Variants in TOP2B observed in about 807,000 individuals in gnomAD.
The protein encoded by TOP2B is DNA topoisomerase 2-beta.
Under a neutral mutation model 193.5 loss-of-function variants are expected in TOP2B, and 51 were observed. That is an observed-to-expected ratio of 0.26 (90% CI 0.21 to 0.33). The LOEUF (loss-of-function observed/expected upper bound fraction) is 0.33, where lower values mean the gene tolerates loss of function less well. TOP2B is among the 10% of genes least tolerant of loss of function. The probability of loss-of-function intolerance (pLI) is 1.00; values close to 1 mark genes in which losing one functional copy is unlikely to be tolerated. For missense variants in TOP2B, 1,378 were observed against 1,909.3 expected, an observed-to-expected ratio of 0.72 and a Z score of 5.19; for synonymous variants, 634 against 635.7, an observed-to-expected ratio of 1.00 and a Z score of 0.04.
Position 25,618,189 on chromosome 3 carries a change from T to C in TOP2B, c.3351+229A>G, listed in dbSNP as rs138309324. On this transcript the variant is annotated intron_variant, in intron 25 of 35. Transcript: ENST00000264331. Reference sequence around the variant, plus strand: ...AGCTACCTTCTCACACCTGGAGTCATTTCTCCAGGCTCTGGTTGAGTCACA... The same window carrying C: ...AGCTACCTTCTCACACCTGGAGTCACTTCTCCAGGCTCTGGTTGAGTCACA... The C allele has an allele frequency of 7.4e-4, 350 of 471,856 alleles. 6 individuals carry two copies. In the East Asian group the frequency reaches 0.011, roughly 15 times the overall value. 29.2% of individuals were successfully genotyped at this position (471,856 alleles called of 1,614,324 possible).
chr3:25,608,984 A>T (rs1055005922), intron 30 of TOP2B, among the ~76,000 whole-genome samples, 199 bp downstream of exon 30: 1 of 152,188 alleles, frequency 6.6e-6, no homozygotes, highest in Non-Finnish European at 1.5e-5. Context: ...AAAAATCAGG[A>T]AAGAAACATG....
chr3:25,647,237 G>A (rs1425172511), intron 1 of TOP2B, among the ~76,000 whole-genome samples: 4 of 152,066 alleles, frequency 2.6e-5, no homozygotes, highest in East Asian at 3.8e-4. Flanking sequence ...AGGGCCAGGC[G>A]CAGTGACGTT....
chr3:25,664,561 C>T lies in TOP2B; in HGVS notation c.-264G>A, dbSNP rs1704032030. The stretch of plus-strand genomic sequence containing the variant: ...CGGCGGCTGAGGAGAAAGCAGGGAG[C>T]GACCGGCGGCGGCCGAGCGGCGGCG... On this transcript the variant is annotated 5_prime_UTR_variant, in exon 1 of 36. Transcript: ENST00000264331. 1 of 1,079,134 alleles carries T rather than the reference C, an allele frequency of 9.3e-7. No individual in the cohort carries two copies. Among genetic ancestry groups the T allele is most frequent in the Non-Finnish European group, 1.1e-6 (1 of 891,452 alleles). The allele number at this position is 1,079,134 out of a possible 1,614,324, so 66.8% of individuals were successfully genotyped here.
chr3:25,609,636 TCTC>T lies in TOP2B; in HGVS notation c.3860_3862del (p.Gly1287del), dbSNP rs1702320117. 1.3e-6 allele frequency: 2 copies of T among 1,576,296 alleles called. No individual in the cohort carries two copies. The highest frequency in any genetic ancestry group is 1.4e-5 in the African/African-American group (1 of 73,702). On this transcript the variant is annotated inframe_deletion, in exon 29 of 36. Transcript: ENST00000264331. ...AGGAACTGATGGAGTCAATGCCTCT[TCTC>T]CTGCACCTTCTACTGGTGCTCCACT...
At chr3:25,643,857 T>A (rs367856599) in intron 2 of TOP2B, 73 bp from the exon 3 acceptor site, 4 of 1,099,590 alleles carry the variant, frequency 3.6e-6, no homozygotes, top group Middle Eastern at 4.2e-4. Flanking sequence ...ATAATCCACA[T>A]CCTGTCATTT....
At chr3:25,662,494 T>C (rs1226752469) in intron 1 of TOP2B, among the ~76,000 whole-genome samples, 1 of 152,242 alleles carries the variant, frequency 6.6e-6, no homozygotes, top group Non-Finnish European at 1.5e-5. Context: ...TGATCTTCAC[T>C]TCTCTTTATT....
At chr3:25,627,455 T>G (rs1474260712) in intron 15 of TOP2B, among the ~76,000 whole-genome samples, 159 bp from the exon 16 acceptor site, 1 of 150,456 alleles carries the variant, frequency 6.6e-6, no homozygotes, top group African/African-American at 2.4e-5. Context: ...AAGTAGACAT[T>G]AGATGCTTCC....
At chr3:25,645,517 G>C (rs1235895853) in intron 1 of TOP2B, 47 bp from the exon 2 acceptor site, 2 of 1,471,914 alleles carry the variant, frequency 1.4e-6, no homozygotes, top group Non-Finnish European at 1.8e-6. Flanking sequence ...CCAAGGGGTA[G>C]ACAATGAGTA....
chr3:25,613,063 G>T (rs781107070), intron 27 of TOP2B, among the ~76,000 whole-genome samples: 68 of 152,214 alleles, frequency 4.5e-4, no homozygotes, highest in Non-Finnish European at 7.5e-4. Context: ...TACAAAGGCA[G>T]TTCTGCTAAT....
intron 8 of TOP2B, among the ~76,000 whole-genome samples, 152 bp from the exon 9 acceptor site, chr3:25,632,946 A>G (rs965055812): frequency 1.3e-5 from 2 of 152,158 alleles, no homozygotes; most frequent in African/African-American, 4.8e-5. Context: ...TTGGCTACAG[A>G]GCCAATAAAC....
intron 28 of TOP2B, 105 bp from the exon 29 acceptor site, chr3:25,609,817 A>G: frequency 4.3e-6 from 5 of 1,176,178 alleles, no homozygotes; most frequent in Non-Finnish European, 5.7e-6. Flanking sequence ...GGTAAATTTA[A>G]AAACAGTGAT....
chr3:25,641,521 T>C (rs565341507), intron 4 of TOP2B, among the ~76,000 whole-genome samples: 1 of 138,096 alleles, frequency 7.2e-6, no homozygotes, highest in African/African-American at 2.9e-5. Flanking sequence ...TAATCCAAAT[T>C]TAAAAAAAAA....
At position 25,642,364 on chromosome 3, in the gene TOP2B, T is replaced by G; in HGVS notation, c.353A>C (p.Gln118Pro). Residue 118 changes from glutamine (Q) to proline (P), a missense_variant, in exon 4 of 36, where the codon CAG becomes CCG. By Grantham distance (76) the Gln-to-Pro change is moderately conservative (BLOSUM62 -1). Around this residue, in one of 9 missense-constraint regions of TOP2B, gnomAD observed 35 missense variants for 85.8 expected, o/e 0.41. Transcript: ENST00000264331. ...AATACAAGTCATGTTCTTATCCCTC[T>G]GTTTATTGTCAGCAGCATTAACTAC... ...EILVNAADNK[Q>P]RDKNMTCIKV... 6.5e-7 allele frequency: 1 copy of G among 1,549,052 alleles called. No individual in the cohort carries two copies. The highest frequency in any genetic ancestry group is 8.7e-7 in the Non-Finnish European group (1 of 1,144,506).
Position 25,629,277 on chromosome 3 carries a change from T to G in TOP2B, c.1690-132A>C, listed in dbSNP as rs1702890293. 3 of 581,640 alleles carry G rather than the reference T, an allele frequency of 5.2e-6. No individual in the cohort carries two copies. The South Asian group carries it at 9.1e-5, about 18-fold the overall frequency. 36.0% of individuals were successfully genotyped at this position (581,640 alleles called of 1,614,324 possible). On this transcript the variant is annotated intron_variant, in intron 13 of 35. Coordinates refer to ENST00000264331, the MANE Select transcript of TOP2B (RefSeq NM_001330700.2). ...TTAGAAATGCATTTTACAAAAGCTA[T>G]TAAGATGATCATACTAAATTTTTTA...
At chr3:25,621,398 G>C (rs1002508212) in intron 21 of TOP2B, among the ~76,000 whole-genome samples, 1 of 152,052 alleles carries the variant, frequency 6.6e-6, no homozygotes, top group Non-Finnish European at 1.5e-5. Flanking sequence ...TCTCCACTTT[G>C]TCACCCAGGC....
chr3:25,634,445 G>C (rs966113274), intron 7 of TOP2B, among the ~76,000 whole-genome samples: 4 of 152,016 alleles, frequency 2.6e-5, no homozygotes, highest in Non-Finnish European at 5.9e-5. Flanking sequence ...CTGAAGTCTG[G>C]AGAGACATAA....
rs56986587 is a variant in TOP2B, at chr3:25,638,314, T to TAAAA, written c.396-8_396-5dup. On this transcript the variant is annotated splice_region_variant and splice_polypyrimidine_tract_variant and intron_variant, in intron 4 of 35. Transcript: ENST00000264331. ...AATGCTTATAATGTTAGATTCACTG[T>TAAAA]AAAAAAAAAAAAAAAAAAAAAAAAA... is the stretch of plus-strand genomic sequence containing the variant. 5 of 131,928 alleles carry TAAAA rather than the reference T, an allele frequency of 3.8e-5. 1 individual carries two copies. Among genetic ancestry groups the TAAAA allele is most frequent in the Non-Finnish European group, 5.2e-5 (5 of 96,430 alleles). 8.2% of individuals were successfully genotyped at this position (131,928 alleles called of 1,614,324 possible).
chr3:25,641,783 G>T (rs1703271253), intron 4 of TOP2B, among the ~76,000 whole-genome samples: 1 of 151,948 alleles, frequency 6.6e-6, no homozygotes, highest in South Asian at 2.1e-4. Context: ...TTTACAAAAG[G>T]CATGCTGGTA....
chr3:25,628,815 T>C (rs775168094), intron 15 of TOP2B, 32 bp downstream of exon 15: 5 of 1,259,386 alleles, frequency 4.0e-6, no homozygotes, highest in Middle Eastern at 5.5e-4. Flanking sequence ...TTTATATCAG[T>C]ATTTAAAATC....
Sources: gnomAD v4.1 joint callset for allele counts (sites outside exome capture counted in the v4.1 genomes callset) on GRCh38, gnomAD v4.1.1 for gene constraint, gnomAD v4.1.1 regional missense constraint, MANE v1.5 for transcripts, NCBI Gene and HGNC (gene_info 2026-07-23, HGNC 2026-07-21) for gene names.